The following TBC1D22A variants were observed in gnomAD, a reference collection of about 807,000 sequenced individuals.
TBC1D22A encodes TBC1 domain family member 22A.
In TBC1D22A, 38 loss-of-function variants were observed where a neutral mutation model predicts 60.2. The ratio of observed to expected loss-of-function variants is 0.63; its 90% confidence interval spans 0.49 to 0.83. TBC1D22A has a LOEUF of 0.83. Among genes scored for constraint, TBC1D22A ranks in the 40% least tolerant of loss-of-function variants. The pLI, the probability that TBC1D22A is intolerant of heterozygous loss-of-function variation, is 0.00. For synonymous variants in TBC1D22A, 302 were observed against 281.7 expected, an observed-to-expected ratio of 1.07 and a Z score of -0.72; for missense variants, 628 against 701.0, an observed-to-expected ratio of 0.90 and a Z score of 1.18.
At chr22:46,997,774 G>C in intron 10 of TBC1D22A, 65 bp downstream of exon 10, 1 of 1,494,344 alleles carries the variant, frequency 6.7e-7, no homozygotes, top group Non-Finnish European at 9.3e-7. Context: ...GCCCTCGGTG[G>C]GACAGGGAGC....
chr22:47,069,911 G>A (rs867765217), intron 11 of TBC1D22A, among the ~76,000 whole-genome samples: 874 of 69,030 alleles, frequency 0.013, 13 homozygotes, highest in African/African-American at 0.028. Flanking sequence ...CGGTTCCAGC[G>A]CTGTCCCCTG....
At chr22:47,171,161 C>T (rs946785881) in intron 12 of TBC1D22A, among the ~76,000 whole-genome samples, 6 of 152,182 alleles carry the variant, frequency 3.9e-5, no homozygotes, top group African/African-American at 1.2e-4. Flanking sequence ...AGGCCCACTG[C>T]CCAAGACCAC....
chr22:47,002,924 G>A (rs1178590607), intron 10 of TBC1D22A, among the ~76,000 whole-genome samples: 2 of 152,184 alleles, frequency 1.3e-5, no homozygotes, highest in African/African-American at 4.8e-5. Context: ...CCCAGCAACA[G>A]CATCGAAGCT....
intron 12 of TBC1D22A, among the ~76,000 whole-genome samples, chr22:47,170,596 G>A (rs1006819133): frequency 6.6e-6 from 1 of 152,182 alleles, no homozygotes; most frequent in Non-Finnish European, 1.5e-5. Context: ...AATAGCAATT[G>A]GAAGACGGTC....
chr22:47,005,642 A>C (rs1030510631), intron 10 of TBC1D22A, among the ~76,000 whole-genome samples: 9 of 151,074 alleles, frequency 6.0e-5, no homozygotes, highest in Admixed American at 2.6e-4. Flanking sequence ...GCCTGTACAC[A>C]CACACACACA....
intron 8 of TBC1D22A, among the ~76,000 whole-genome samples, chr22:46,933,041 A>G (rs1351398117): frequency 6.6e-6 from 1 of 152,034 alleles, no homozygotes; most frequent in Non-Finnish European, 1.5e-5. Flanking sequence ...GCTTTTTGGC[A>G]TCATTTGGGA....
intron 4 of TBC1D22A, among the ~76,000 whole-genome samples, chr22:46,802,962 T>C (rs1000552527): frequency 1.3e-5 from 2 of 151,838 alleles, no homozygotes; most frequent in Non-Finnish European, 2.9e-5. Flanking sequence ...TCTGCAGGGA[T>C]GGGGAACAGC....
At chr22:46,878,295 G>A (rs949978699) in intron 4 of TBC1D22A, among the ~76,000 whole-genome samples, 1 of 33,540 alleles carries the variant, frequency 3.0e-5, no homozygotes. Context: ...AGAGTGGGGG[G>A]AAGGAAGAGA....
intron 12 of TBC1D22A, among the ~76,000 whole-genome samples, chr22:47,165,796 G>T (rs897969679): frequency 2.0e-5 from 3 of 152,110 alleles, no homozygotes; most frequent in Non-Finnish European, 2.9e-5. Flanking sequence ...GCCTCCCCAG[G>T]TGGCATCAGG....
At position 46,762,768 on chromosome 22, in the gene TBC1D22A, T is replaced by C; in HGVS notation, c.-19T>C. 1 of 1,430,806 alleles carries C rather than the reference T, an allele frequency of 7.0e-7. No homozygotes were observed. Among genetic ancestry groups the C allele is most frequent in the Non-Finnish European group, 9.1e-7 (1 of 1,097,626 alleles). The allele number at this position is 1,430,806 out of a possible 1,614,324, so 88.6% of individuals were successfully genotyped here. A position where few individuals can be genotyped will look rare whatever the true frequency, so the allele number is the denominator to read the frequency against. ...ACTCGGGGTGTCTGGGCCGCGGGTC[T>C]GAGGGATGAGGAGGGGCCATGGCCA... On this transcript the variant is annotated 5_prime_UTR_variant, in exon 1 of 13. Coordinates refer to ENST00000337137, the MANE Select transcript of TBC1D22A (RefSeq NM_014346.5).
At chr22:46,945,700 G>C (rs1045052269) in intron 8 of TBC1D22A, among the ~76,000 whole-genome samples, 3 of 152,170 alleles carry the variant, frequency 2.0e-5, no homozygotes, top group Admixed American at 6.5e-5. Context: ...ACAGGAGCAG[G>C]GTTCCCCCCT....
intron 8 of TBC1D22A, among the ~76,000 whole-genome samples, chr22:46,943,450 C>G (rs1182524500): frequency 1.3e-5 from 2 of 152,232 alleles, no homozygotes; most frequent in Non-Finnish European, 2.9e-5. Flanking sequence ...AACGTTCAAC[C>G]TTGAAGGCTG....
intron 8 of TBC1D22A, 36 bp downstream of exon 8, chr22:46,912,224 G>C: frequency 6.7e-7 from 1 of 1,483,840 alleles, no homozygotes; most frequent in Non-Finnish European, 9.4e-7. Context: ...GTGAACTTTA[G>C]TGGACTTGCT....
At chr22:47,161,861 C>A (rs1415556890) in intron 12 of TBC1D22A, among the ~76,000 whole-genome samples, 1 of 152,250 alleles carries the variant, frequency 6.6e-6, no homozygotes, top group Non-Finnish European at 1.5e-5. Context: ...GCCCAGATGT[C>A]CCTGGGGATA....
chr22:46,890,922 G>A (rs557712268), intron 5 of TBC1D22A, among the ~76,000 whole-genome samples: 3 of 152,314 alleles, frequency 2.0e-5, no homozygotes, highest in Admixed American at 1.3e-4. Flanking sequence ...CTAGAGAAGC[G>A]CTTGTTTCAT....
intron 8 of TBC1D22A, among the ~76,000 whole-genome samples, chr22:46,918,627 A>C (rs2070537953): frequency 6.6e-6 from 1 of 152,224 alleles, no homozygotes. Flanking sequence ...CAGAGCTCAT[A>C]GGGATGGAGA....
At chr22:47,052,215 T>A (rs778421725) in intron 11 of TBC1D22A, among the ~76,000 whole-genome samples, 1 of 152,248 alleles carries the variant, frequency 6.6e-6, no homozygotes, top group South Asian at 2.1e-4. Context: ...AGCAATTTGC[T>A]TTCATTTTGA....
rs767543181 is a variant in TBC1D22A, at chr22:47,004,480, C to A, written c.1201+6771C>A. Among the ~76,000 whole-genome samples the A allele has an allele frequency of 2.0e-5, 3 of 150,194 alleles. No homozygotes were observed. The South Asian group carries it at 6.4e-4, about 32-fold the overall frequency. On this transcript the variant is annotated intron_variant, in intron 10 of 12. Coordinates refer to ENST00000337137, the MANE Select transcript of TBC1D22A (RefSeq NM_014346.5). Reference sequence around the variant, plus strand: ...ACTCCTGCCATATACACATACACACCCTGCACACATGCCTATACACACACA... The same window carrying A: ...ACTCCTGCCATATACACATACACACACTGCACACATGCCTATACACACACA...
chr22:47,101,646 T>C (rs1388943523), intron 11 of TBC1D22A, among the ~76,000 whole-genome samples: 1 of 152,210 alleles, frequency 6.6e-6, no homozygotes, highest in Non-Finnish European at 1.5e-5. Context: ...GGGGTTTTTC[T>C]CAAGTGCTAG....
Sources: allele counts gnomAD v4.1 joint callset (sites outside exome capture counted in the v4.1 genomes callset), GRCh38; gene constraint gnomAD v4.1.1; transcripts MANE v1.5; gene names NCBI Gene and HGNC (gene_info 2026-07-23, HGNC 2026-07-21).